The following FAM200A variants were observed in gnomAD, a reference collection of about 807,000 sequenced individuals.
The protein encoded by FAM200A is protein FAM200A.
In FAM200A, 26 loss-of-function variants were observed where a neutral mutation model predicts 44.2. The observed-to-expected ratio is 0.59, with a 90% CI of 0.43 to 0.82. FAM200A has a LOEUF of 0.82. Ranked by LOEUF, FAM200A falls within the 40% of genes least tolerant of loss-of-function variation. The pLI is 0.00. For synonymous variants in FAM200A, 206 were observed against 244.4 expected (o/e 0.84, Z 1.47); for missense variants, 606 against 669.5 (o/e 0.91, Z 1.05).
upstream of FAM200A, among the ~76,000 whole-genome samples, chr7:99,553,095 ATATATTTTTT>A (rs1204423611): frequency 7.5e-4 from 67 of 88,860 alleles, no homozygotes; most frequent in African/African-American, 2.5e-3. Flanking sequence ...ATATATATAT[ATATATTTTTT>A]TTTTTTTTTT....
At chr7:99,556,619 G>A (rs1419412925), upstream of FAM200A, among the ~76,000 whole-genome samples, 1 of 151,334 alleles carries the variant, frequency 6.6e-6, no homozygotes, top group Admixed American at 6.6e-5. Flanking sequence ...TGTACCTTTA[G>A]GAAAAAAATC....
At chr7:99,553,070 C>T (rs2158805), upstream of FAM200A, among the ~76,000 whole-genome samples, 2,315 of 73,722 alleles carry the variant, frequency 0.031, 73 homozygotes, top group South Asian at 0.11. Context: ...TATACACACA[C>T]ATATATATAT....
Position 99,547,520 on chromosome 7 carries a change from CAAT to C in FAM200A, c.885_887del (p.Leu296del), listed in dbSNP as rs1562924908. The C allele has an allele frequency of 6.4e-7, 1 of 1,550,532 alleles. No homozygotes were observed. Among genetic ancestry groups the C allele is most frequent in the Admixed American group, 2.0e-5 (1 of 50,900 alleles). ...AAAGCCAACGAACTTCTGTATGAAACAATAAGTGGGTGTGGTTCACTCCAATCT... is the reference window on the plus strand; with the variant it reads ...AAAGCCAACGAACTTCTGTATGAAACAAGTGGGTGTGGTTCACTCCAATCT... On this transcript the variant is annotated inframe_deletion, in exon 2 of 2. Transcript: ENST00000449309.
At chr7:99,554,826 T>A (rs1447925129), upstream of FAM200A, among the ~76,000 whole-genome samples, 1 of 152,256 alleles carries the variant, frequency 6.6e-6, no homozygotes, top group African/African-American at 2.4e-5. Context: ...ATCCCCAATC[T>A]GTGCAGAGGC....
chr7:99,548,448 G>A lies in FAM200A; in HGVS notation c.-41C>T, dbSNP rs1047740770. ...AACTGGCTCACTTGATCCAAATAGG[G>A]TCTGTTTTGCAGGGCTGTCCTTTGT... On this transcript the variant is annotated 5_prime_UTR_variant, in exon 2 of 2. Transcript: ENST00000449309. 3 of 1,589,762 alleles carry A rather than the reference G, an allele frequency of 1.9e-6. No individual in the cohort carries two copies. The East Asian group carries it at 6.7e-5, about 36-fold the overall frequency.
upstream of FAM200A, among the ~76,000 whole-genome samples, chr7:99,554,774 A>G (rs1562927747): frequency 6.6e-6 from 1 of 152,190 alleles, no homozygotes; most frequent in South Asian, 2.1e-4. Context: ...GTAATGAAGA[A>G]CAGTCTGTTT....
Position 99,548,495 on chromosome 7 carries a change from G to T in FAM200A, c.-88C>A. 1 of 1,520,392 alleles carries T rather than the reference G, an allele frequency of 6.6e-7. No homozygotes were observed. Among genetic ancestry groups the T allele is most frequent in the South Asian group, 1.3e-5 (1 of 74,166 alleles). 94.2% of individuals were successfully genotyped at this position (1,520,392 alleles called of 1,614,324 possible). On this transcript the variant is annotated 5_prime_UTR_variant, in exon 2 of 2. The change creates a new upstream start codon in the 5' untranslated region. Coordinates refer to ENST00000449309, the MANE Select transcript of FAM200A (RefSeq NM_145111.4). ...TTGTGACCTAGGTTTTATGAGATCA[G>T]GTTTTGCTATCCTGCAGGGTAGAAA...
At chr7:99,554,752 G>A (rs928157672), upstream of FAM200A, among the ~76,000 whole-genome samples, 7 of 152,264 alleles carry the variant, frequency 4.6e-5, no homozygotes, top group Admixed American at 1.3e-4. Flanking sequence ...TCAGGGCAAC[G>A]CGAGTGGGGC....
At chr7:99,551,549 T>C (rs1802531839) in intron 1 of FAM200A, among the ~76,000 whole-genome samples, 1 of 152,070 alleles carries the variant, frequency 6.6e-6, no homozygotes, top group Non-Finnish European at 1.5e-5. Flanking sequence ...GAACATATCA[T>C]CCGCGGACAC....
At chr7:99,549,177 TAAAA>T (rs982978395) in intron 1 of FAM200A, among the ~76,000 whole-genome samples, 1 of 147,736 alleles carries the variant, frequency 6.8e-6, no homozygotes, top group African/African-American at 2.5e-5. Context: ...TTGTATTTCT[TAAAA>T]ATAAGAAATT....
chr7:99,558,061 G>A lies in FAM200A; in HGVS notation c.-100+239C>T, dbSNP rs147441814. On this transcript the variant is annotated intron_variant, in intron 1 of 1. Transcript: ENST00000408938. Reference sequence around the variant, plus strand: ...CTTCCCACCAGGGACGCAACTGTCAGTTTCCTCCGTCTCTCTCGGTTCTAT... The same window carrying A: ...CTTCCCACCAGGGACGCAACTGTCAATTTCCTCCGTCTCTCTCGGTTCTAT... Among the ~76,000 whole-genome samples the A allele has an allele frequency of 2.0e-4, 30 of 152,252 alleles. No individual in the cohort carries two copies. The East Asian group carries it at 5.0e-3, about 25-fold the overall frequency.
chr7:99,550,243 T>C (rs1475821950), intron 1 of FAM200A, among the ~76,000 whole-genome samples: 4 of 151,928 alleles, frequency 2.6e-5, no homozygotes, highest in Non-Finnish European at 4.4e-5. Flanking sequence ...CCCGAGTAGC[T>C]GGGATTATAG....
upstream of FAM200A, among the ~76,000 whole-genome samples, chr7:99,553,097 ATATTTTTTTT>A (rs1184383874): frequency 9.0e-5 from 7 of 78,142 alleles, no homozygotes; most frequent in African/African-American, 2.7e-4. Context: ...ATATATATAT[ATATTTTTTTT>A]TTTTTTTTTT....
chr7:99,547,794 T>C lies in FAM200A; in HGVS notation c.614A>G (p.His205Arg), dbSNP rs1427000106. ...LLGQYKLNWK[H>R]CKGISSDGTA... ...TCCATCACTTGAAATTCCTTTACAATGTTTCCAGTTTAATTTATACTGACC... is the reference window on the plus strand; with the variant it reads ...TCCATCACTTGAAATTCCTTTACAACGTTTCCAGTTTAATTTATACTGACC... Residue 205 changes from histidine (H) to arginine (R), a missense_variant, in exon 2 of 2, where the codon CAT becomes CGT. Coordinates refer to ENST00000449309, the MANE Select transcript of FAM200A (RefSeq NM_145111.4). The C allele has an allele frequency of 7.7e-6, 12 of 1,551,564 alleles. No individual in the cohort carries two copies. The highest frequency in any genetic ancestry group is 1.7e-4 in the Middle Eastern group (1 of 6,014).
At position 99,552,081 on chromosome 7, in the gene FAM200A, C is replaced by G. The variant is rs975071878; in HGVS notation, c.-327G>C. The stretch of plus-strand genomic sequence containing the variant: ...CAGGAGCACTAGACTCACATCCAAG[C>G]CCCCTGGCCTTCAGAGCCCAGGGAA... On this transcript the variant is annotated 5_prime_UTR_variant, in exon 1 of 2. Transcript: ENST00000449309. The G allele has an allele frequency of 4.1e-6, 4 of 985,384 alleles. No individual in the cohort carries two copies. Among genetic ancestry groups the G allele is most frequent in the Admixed American group, 6.1e-5 (1 of 16,270 alleles). The allele number at this position is 985,384 out of a possible 1,614,324, so 61.0% of individuals were successfully genotyped here.
Position 99,546,759 on chromosome 7 carries a change from A to G in FAM200A, c.1649T>C (p.Met550Thr). 6.4e-7 allele frequency: 1 copy of G among 1,550,856 alleles called. No individual in the cohort carries two copies. The highest frequency in any genetic ancestry group is 8.7e-7 in the Non-Finnish European group (1 of 1,146,792). The stretch of plus-strand genomic sequence containing the variant: ...AACACATGAAGATAATGCTACCCGC[A>G]TATCTGGTGCACTATTGAGCCTATT... ...KRNRLNSAPD[M>T]RVALSSCVPD... The change falls in exon 2 of 2, where the codon ATG becomes ACG. Residue 550 changes from methionine (M) to threonine (T), a missense_variant. Met to Thr is a moderately conservative substitution (Grantham distance 81, BLOSUM62 -1). Transcript: ENST00000449309.
At chr7:99,553,080 T>TATATATATATAC (rs2151132202), upstream of FAM200A, among the ~76,000 whole-genome samples, 1 of 92,530 alleles carries the variant, frequency 1.1e-5, no homozygotes, top group South Asian at 3.9e-4. Flanking sequence ...CATATATATA[T>TATATATATATAC]ATATATATAT....
upstream of FAM200A, among the ~76,000 whole-genome samples, chr7:99,553,085 ATATATATATATATAT>A (rs1341449659): frequency 5.7e-4 from 56 of 97,734 alleles, no homozygotes; most frequent in African/African-American, 2.9e-3. Flanking sequence ...ATATATATAT[ATATATATATATATAT>A]TTTTTTTTTT....
chr7:99,552,976 T>G (rs1802570868), upstream of FAM200A, among the ~76,000 whole-genome samples: 1 of 147,462 alleles, frequency 6.8e-6, no homozygotes, highest in Admixed American at 6.9e-5. Context: ...TTGCTCCATA[T>G]ATATATATAC....
Sources: allele counts gnomAD v4.1 joint callset (sites outside exome capture counted in the v4.1 genomes callset), GRCh38; gene constraint gnomAD v4.1.1; transcripts MANE v1.5; gene names NCBI Gene and HGNC (gene_info 2026-07-23, HGNC 2026-07-21).